Variants in TENM2 observed in about 807,000 individuals in gnomAD.
TENM2 encodes the protein teneurin-2.
In TENM2, 52 loss-of-function variants were observed where a neutral mutation model predicts 245.2. The observed-to-expected ratio is 0.21, with a 90% CI of 0.17 to 0.27. TENM2 has a LOEUF of 0.27. Among genes scored for constraint, TENM2 ranks in the 10% least tolerant of loss-of-function variants. The pLI is 1.00. For synonymous variants in TENM2, 1,363 were observed against 1,438.9 expected, an observed-to-expected ratio of 0.95 and a Z score of 1.19; for missense variants, 3,046 against 3,666.8, an observed-to-expected ratio of 0.83 and a Z score of 4.37.
intron 3 of TENM2, among the ~76,000 whole-genome samples, chr5:167,934,048 T>G (rs1220623852): frequency 6.6e-6 from 1 of 152,166 alleles, no homozygotes; most frequent in Non-Finnish European, 1.5e-5. Context: ...CATCTAGGAT[T>G]GCACCTTATA....
In TENM2 at chr5:167,669,570, CT is replaced by C. The variant is rs368587538; in HGVS notation, c.503-206406del. Among the ~76,000 whole-genome samples, 25 of 149,188 alleles carry C rather than the reference CT, an allele frequency of 1.7e-4. No homozygotes were observed. The South Asian group carries it at 2.1e-3, about 13-fold the overall frequency. ...TCATTCACAAATATTATATATTGTGCTTTTTTTTTTCTGATATCCCCCCCTT... is the reference window on the plus strand; with the variant it reads ...TCATTCACAAATATTATATATTGTGCTTTTTTTTTCTGATATCCCCCCCTT... On this transcript the variant is annotated intron_variant, in intron 2 of 28. Coordinates refer to ENST00000518659, the Ensembl canonical transcript of TENM2.
intron 1 of TENM2, among the ~76,000 whole-genome samples, chr5:167,355,473 G>A (rs1464014660): frequency 6.6e-6 from 1 of 152,300 alleles, no homozygotes; most frequent in Non-Finnish European, 1.5e-5. Flanking sequence ...ATAATAATCT[G>A]CTGCTGATCC....
intron 10 of TENM2, among the ~76,000 whole-genome samples, chr5:168,119,153 A>T (rs1305615719): frequency 2.0e-5 from 3 of 152,240 alleles, no homozygotes; most frequent in African/African-American, 7.2e-5. Context: ...ACAATTGCAC[A>T]AAACTAGAGG....
exon 4 of TENM2, chr5:167,952,739 G>C: frequency 6.3e-7 from 1 of 1,594,526 alleles, no homozygotes; most frequent in South Asian, 1.1e-5. Context: ...CGGCCCCAGC[G>C]CCCAATGACC....
chr5:167,770,931 C>A (rs1763362661), intron 2 of TENM2, among the ~76,000 whole-genome samples: 1 of 151,786 alleles, frequency 6.6e-6, no homozygotes, highest in South Asian at 2.1e-4. Flanking sequence ...TTGGCAGGTT[C>A]CAAGTTGTAA....
the TENM2 span, among the ~76,000 whole-genome samples, chr5:167,220,637 C>T: frequency 3.9e-5 from 6 of 152,208 alleles, no homozygotes; most frequent in East Asian, 5.8e-4. Context: ...TCATAAGGGC[C>T]GGAGAGGACT....
intron 1 of TENM2, among the ~76,000 whole-genome samples, chr5:167,302,516 C>T (rs189856747): frequency 5.0e-4 from 74 of 148,264 alleles, no homozygotes; most frequent in African/African-American, 1.2e-3. Flanking sequence ...GATAAGAGGT[C>T]GGGGCATGGA....
chr5:167,537,683 C>T (rs1396565493), intron 2 of TENM2, among the ~76,000 whole-genome samples: 2 of 152,312 alleles, frequency 1.3e-5, no homozygotes, highest in African/African-American at 4.8e-5. Flanking sequence ...CTCTCATGAC[C>T]TTTGTCTTCT....
intron 2 of TENM2, among the ~76,000 whole-genome samples, chr5:167,822,908 A>T (rs1261774124): frequency 2.6e-5 from 4 of 152,226 alleles, no homozygotes; most frequent in Admixed American, 6.5e-5. Context: ...ACAAGAAAAG[A>T]ACGGACGTTG....
chr5:167,974,034 A>AG (rs1782048086), intron 4 of TENM2, among the ~76,000 whole-genome samples: 23 of 59,740 alleles, frequency 3.9e-4, no homozygotes, highest in South Asian at 1.3e-3. Context: ...GAAGGAAGGA[A>AG]GGAGAAGGAA....
intron 15 of TENM2, among the ~76,000 whole-genome samples, chr5:168,197,665 G>C (rs550733135): frequency 1.1e-4 from 15 of 141,006 alleles, no homozygotes; most frequent in Admixed American, 4.4e-4. Flanking sequence ...ATGCCACTGC[G>C]CTCCAGCCTG....
chr5:167,206,170 A>G, the TENM2 span, among the ~76,000 whole-genome samples: 1 of 152,190 alleles, frequency 6.6e-6, no homozygotes, highest in Non-Finnish European at 1.5e-5. Context: ...CAACTGCGCC[A>G]TCTGGATTTG....
chr5:167,384,718 A>G (rs891291202), intron 2 of TENM2, among the ~76,000 whole-genome samples: 4 of 152,350 alleles, frequency 2.6e-5, no homozygotes, highest in East Asian at 1.9e-4. Context: ...ACACACGCAC[A>G]CACACACACA....
At chr5:166,991,396 C>T in the TENM2 span, among the ~76,000 whole-genome samples, 2 of 151,476 alleles carry the variant, frequency 1.3e-5, no homozygotes, top group African/African-American at 2.4e-5. Flanking sequence ...TAGGGGGAAA[C>T]TTTAATGTTT....
intron 2 of TENM2, among the ~76,000 whole-genome samples, chr5:167,673,377 C>CA (rs1316669790): frequency 6.6e-6 from 1 of 151,936 alleles, no homozygotes; most frequent in Non-Finnish European, 1.5e-5. Context: ...ACCCCTATGC[C>CA]AAAATAAGTT....
chr5:167,323,601 GT>G (rs1349667867), intron 1 of TENM2, among the ~76,000 whole-genome samples: 1 of 152,014 alleles, frequency 6.6e-6, no homozygotes, highest in Admixed American at 6.6e-5. Context: ...TTTTGAAGAA[GT>G]CAAAAAATTG....
At chr5:168,259,578 A>G (rs183326809) in intron 27 of TENM2, among the ~76,000 whole-genome samples, 1 of 151,040 alleles carries the variant, frequency 6.6e-6, no homozygotes, top group East Asian at 2.0e-4. Flanking sequence ...ACAGAGCAAG[A>G]CTCCATCTCA....
At chr5:167,101,089 G>T in the TENM2 span, among the ~76,000 whole-genome samples, 1 of 152,160 alleles carries the variant, frequency 6.6e-6, no homozygotes, top group Non-Finnish European at 1.5e-5. Context: ...AAATAGAGAT[G>T]TTCTCTCTCA....
chr5:167,811,811 G>A (rs993008471), intron 2 of TENM2, among the ~76,000 whole-genome samples: 138 of 152,246 alleles, frequency 9.1e-4, no homozygotes, highest in African/African-American at 3.2e-3. Context: ...TGGGTTAATA[G>A]GGGTTTAAGA....
Sources: gnomAD v4.1 joint callset for allele counts (sites outside exome capture counted in the v4.1 genomes callset) on GRCh38, gnomAD v4.1.1 for gene constraint, MANE v1.5 for transcripts, NCBI Gene and HGNC (gene_info 2026-07-23, HGNC 2026-07-21) for gene names.